ELF1: variants seen among roughly 807,000 people sequenced by gnomAD.
ELF1 encodes E74 like ETS transcription factor 1.
Under a neutral mutation model 59.9 loss-of-function variants are expected in ELF1, and 24 were observed. That is an observed-to-expected ratio of 0.40 (90% CI 0.29 to 0.56). ELF1 has a LOEUF of 0.56. Among genes scored for constraint, ELF1 ranks in the 20% least tolerant of loss-of-function variants. ELF1 has a pLI of 0.44. For missense variants in ELF1, 627 were observed against 742.2 expected, an observed-to-expected ratio of 0.84 and a Z score of 1.80; for synonymous variants, 248 against 266.2, an observed-to-expected ratio of 0.93 and a Z score of 0.67.
chr13:40,935,659 G>A (rs569317584), intron 8 of ELF1, among the ~76,000 whole-genome samples: 12 of 149,292 alleles, frequency 8.0e-5, no homozygotes, highest in African/African-American at 2.2e-4. Context: ...AGTACCTGAC[G>A]CTATAGCCAG....
intron 1 of ELF1, among the ~76,000 whole-genome samples, chr13:41,037,492 T>C (rs1481234988): frequency 1.3e-5 from 2 of 152,174 alleles, no homozygotes; most frequent in African/African-American, 4.8e-5. Flanking sequence ...CAAAAATATT[T>C]TGAACTTTAG....
intron 1 of ELF1, among the ~76,000 whole-genome samples, chr13:41,033,029 A>T (rs568960428): frequency 4.6e-5 from 7 of 152,312 alleles, no homozygotes; most frequent in East Asian, 1.9e-4. Context: ...ATGATTTTTT[A>T]AAAAATTACC....
chr13:40,952,907 C>T (rs1172532996), intron 3 of ELF1, among the ~76,000 whole-genome samples: 1 of 151,606 alleles, frequency 6.6e-6, no homozygotes, highest in Admixed American at 6.6e-5. Flanking sequence ...TCTCTAAATA[C>T]TTTAGCATGT....
chr13:41,056,474 T>A (rs551574919), intron 1 of ELF1, among the ~76,000 whole-genome samples: 5 of 152,224 alleles, frequency 3.3e-5, no homozygotes, highest in Non-Finnish European at 7.3e-5. Context: ...CATGTTTTCA[T>A]TTCTACTGGG....
chr13:40,940,386 G>GAA lies in ELF1; in HGVS notation c.1256+533_1256+534dup, dbSNP rs375400990. Among the ~76,000 whole-genome samples the GAA allele has an allele frequency of 5.5e-3, 604 of 109,678 alleles. 31 individuals carry two copies. Among genetic ancestry groups the GAA allele is most frequent in the East Asian group, 9.7e-3 (19 of 1,960 alleles). 72.0% of individuals were successfully genotyped at this position (109,678 alleles called of 152,430 possible). On this transcript the variant is annotated intron_variant, in intron 8 of 8. Transcript: ENST00000239882. ...GCTCTGAGGCAAATCTGATTTAACT[G>GAA]AAAAAAAAAAAAAAAAAAAAAAAAA... is the stretch of plus-strand genomic sequence containing the variant.
intron 7 of ELF1, 90 bp downstream of exon 7, chr13:40,942,862 T>A: frequency 7.6e-7 from 1 of 1,308,136 alleles, no homozygotes; most frequent in Non-Finnish European, 1.0e-6. Flanking sequence ...TTACCACTAT[T>A]GGTGCTTTGC....
At chr13:40,956,436 G>C (rs371440321) in intron 3 of ELF1, among the ~76,000 whole-genome samples, 1 of 152,114 alleles carries the variant, frequency 6.6e-6, no homozygotes, top group African/African-American at 2.4e-5. Context: ...AAACACTGTG[G>C]AAGGCCGCAG....
upstream of ELF1, among the ~76,000 whole-genome samples, chr13:41,020,276 A>C (rs1048218274): frequency 6.6e-6 from 1 of 152,230 alleles, no homozygotes; most frequent in Non-Finnish European, 1.5e-5. Flanking sequence ...AATACTTATT[A>C]ATTTATTCTA....
intron 1 of ELF1, among the ~76,000 whole-genome samples, chr13:41,045,795 T>C (rs1451918984): frequency 6.6e-6 from 1 of 152,208 alleles, no homozygotes; most frequent in Non-Finnish European, 1.5e-5. Context: ...GTCTATTAGG[T>C]CCACTTGGTG....
At chr13:40,961,407 C>G (rs1871811492) in intron 2 of ELF1, among the ~76,000 whole-genome samples, 1 of 152,024 alleles carries the variant, frequency 6.6e-6, no homozygotes, top group African/African-American at 2.4e-5. Context: ...ACTATAGAAG[C>G]CAGGCCTGGT....
intron 1 of ELF1, among the ~76,000 whole-genome samples, chr13:41,038,502 G>A (rs371144298): frequency 1.2e-4 from 18 of 152,220 alleles, no homozygotes; most frequent in African/African-American, 4.3e-4. Flanking sequence ...GGGTGACAGC[G>A]AGACCCCGTC....
intron 1 of ELF1, among the ~76,000 whole-genome samples, chr13:41,043,752 T>C (rs1213395340): frequency 1.3e-5 from 2 of 152,210 alleles, no homozygotes; most frequent in African/African-American, 4.8e-5. Flanking sequence ...TCCAGCTTTG[T>C]TCTTTTGGCT....
At chr13:40,981,870 T>C in intron 2 of ELF1, 113 bp downstream of exon 2, 1 of 1,210,492 alleles carries the variant, frequency 8.3e-7, no homozygotes, top group Non-Finnish European at 1.1e-6. Context: ...CATCTATAAA[T>C]TTTTACTTTC....
At chr13:40,990,019 T>TAC (rs1369554538) in intron 1 of ELF1, among the ~76,000 whole-genome samples, 1 of 152,112 alleles carries the variant, frequency 6.6e-6, no homozygotes, top group East Asian at 1.9e-4. Context: ...TGGAGTACAA[T>TAC]ATATGGTTAT....
chr13:41,000,632 A>T (rs1356156173), intron 1 of ELF1, among the ~76,000 whole-genome samples: 1 of 152,060 alleles, frequency 6.6e-6, no homozygotes, highest in Non-Finnish European at 1.5e-5. Flanking sequence ...TACTAGATTT[A>T]AAAAAATACT....
chr13:40,976,619 G>A (rs137963490), intron 2 of ELF1, among the ~76,000 whole-genome samples: 116 of 152,276 alleles, frequency 7.6e-4, no homozygotes, highest in African/African-American at 2.8e-3. Context: ...TCAGCTCACT[G>A]CAACCTCCAC....
chr13:41,052,704 A>C (rs1877133673), intron 1 of ELF1, among the ~76,000 whole-genome samples: 1 of 152,010 alleles, frequency 6.6e-6, no homozygotes, highest in Admixed American at 6.6e-5. Flanking sequence ...AGACAGAGAG[A>C]CTCCCTGTCT....
chr13:40,990,506 T>C (rs1429223013), intron 1 of ELF1, among the ~76,000 whole-genome samples: 2 of 152,152 alleles, frequency 1.3e-5, no homozygotes, highest in Non-Finnish European at 2.9e-5. Flanking sequence ...GCTCAGAATT[T>C]GTTTAGCTCA....
chr13:41,012,942 T>G (rs1401260409), intron 1 of ELF1, among the ~76,000 whole-genome samples: 1 of 152,240 alleles, frequency 6.6e-6, no homozygotes, highest in African/African-American at 2.4e-5. Context: ...GGATTGCTTT[T>G]ATATGCATAA....
Sources: gnomAD v4.1 joint callset for allele counts (sites outside exome capture counted in the v4.1 genomes callset) on GRCh38, gnomAD v4.1.1 for gene constraint, MANE v1.5 for transcripts, NCBI Gene and HGNC (gene_info 2026-07-23, HGNC 2026-07-21) for gene names.